The following STAC variants were observed in gnomAD, a reference collection of about 807,000 sequenced individuals.
STAC encodes SH3 and cysteine rich domain, also known as SH3 and cysteine-rich domain-containing protein.
In STAC, 43 loss-of-function variants were observed where a neutral mutation model predicts 48.8. The observed-to-expected ratio is 0.88, with a 90% CI of 0.69 to 1.14. The LOEUF is 1.14. Ranked by LOEUF, STAC falls within the 50% of genes most tolerant of loss-of-function variation. The pLI, the probability that STAC is intolerant of heterozygous loss-of-function variation, is 0.00. For synonymous variants in STAC, 193 were observed against 179.5 expected (o/e 1.07, Z -0.60); for missense variants, 497 against 504.0 (o/e 0.99, Z 0.13).
In STAC at chr3:36,505,765, C is replaced by T. The variant is rs1438382148; in HGVS notation, c.851C>T (p.Pro284Leu). The change falls in exon 8 of 11, where the codon CCA (proline) becomes CTA (leucine). Residue 284 changes from proline (P) to leucine (L), a missense_variant. Physicochemically the swap from Pro to Leu is moderately conservative, Grantham distance 98. Transcript: ENST00000273183. ...INHQGSLSKD[P>L]LQMNTYVALY... is the part of the protein sequence containing the mutation. The stretch of plus-strand genomic sequence containing the variant: ...TTTCAGGGATCTCTTTCCAAAGACC[C>T]ATTACAGATGAACACCTATGTTGCC... 2 of 1,602,890 alleles carry T rather than the reference C, an allele frequency of 1.2e-6. No individual in the cohort carries two copies. Among genetic ancestry groups the T allele is most frequent in the South Asian group, 1.1e-5 (1 of 88,512 alleles).
At chr3:36,385,446 T>C (rs1466997062) in intron 1 of STAC, among the ~76,000 whole-genome samples, 3 of 152,152 alleles carry the variant, frequency 2.0e-5, no homozygotes, top group Non-Finnish European at 4.4e-5. Flanking sequence ...AGGTATTTTA[T>C]TCTCATAACC....
At chr3:36,453,346 G>C (rs1348351527) in intron 2 of STAC, among the ~76,000 whole-genome samples, 1 of 152,228 alleles carries the variant, frequency 6.6e-6, no homozygotes, top group Non-Finnish European at 1.5e-5. Flanking sequence ...GGTGTGGAGG[G>C]AGAGGCGTGG....
chr3:36,511,623 T>C (rs552241106), intron 8 of STAC, among the ~76,000 whole-genome samples: 1 of 152,318 alleles, frequency 6.6e-6, no homozygotes, highest in South Asian at 2.1e-4. Context: ...TAGACCACAT[T>C]TGGAGGTAGA....
At chr3:36,382,633 T>C (rs772091133) in intron 1 of STAC, among the ~76,000 whole-genome samples, 21 of 152,170 alleles carry the variant, frequency 1.4e-4, no homozygotes, top group South Asian at 4.1e-4. Context: ...TATGCCTACA[T>C]GTGAATTTTT....
At chr3:36,477,495 G>A (rs1697524182) in intron 2 of STAC, among the ~76,000 whole-genome samples, 1 of 151,868 alleles carries the variant, frequency 6.6e-6, no homozygotes. Context: ...AAAAAAAGTT[G>A]ATGCATGCTA....
intron 2 of STAC, among the ~76,000 whole-genome samples, chr3:36,454,333 G>A (rs2125678229): frequency 6.6e-6 from 1 of 151,482 alleles, no homozygotes; most frequent in East Asian, 1.9e-4. Flanking sequence ...CAGACGCGTC[G>A]CCTTAAGAGC....
chr3:36,490,780 T>C (rs1228391015), intron 5 of STAC, among the ~76,000 whole-genome samples: 1 of 152,200 alleles, frequency 6.6e-6, no homozygotes, highest in Admixed American at 6.5e-5. Context: ...AGAGGGACAA[T>C]TGGGGATGTC....
intron 2 of STAC, among the ~76,000 whole-genome samples, chr3:36,479,725 G>A (rs915619327): frequency 6.6e-6 from 1 of 152,212 alleles, no homozygotes; most frequent in Non-Finnish European, 1.5e-5. Flanking sequence ...GAGCCAGACT[G>A]AGACAGATTC....
chr3:36,414,645 T>C (rs748348804), intron 1 of STAC, among the ~76,000 whole-genome samples: 8 of 152,238 alleles, frequency 5.3e-5, no homozygotes, highest in Non-Finnish European at 8.8e-5. Context: ...TCGGAGAAGT[T>C]TGATCGTCTG....
chr3:36,443,012 T>C lies in STAC; in HGVS notation c.112-352T>C, dbSNP rs1696396643. On this transcript the variant is annotated intron_variant, in intron 1 of 10. Transcript: ENST00000273183. The surrounding 1 kb of genome is among the most constrained non-coding windows in gnomAD (Gnocchi z 4.2). ...TGAGCCCATGAGTTTGTATACTTAA[T>C]ATTTCCAATGATTCAAATTCAAAAG... is the stretch of plus-strand genomic sequence containing the variant. 6.6e-6 allele frequency among the ~76,000 whole-genome samples: 1 copy of C among 152,208 alleles called. No homozygotes were observed. Among genetic ancestry groups the C allele is most frequent in the South Asian group, 2.1e-4 (1 of 4,832 alleles).
At chr3:36,530,311 A>G (rs993963592) in intron 10 of STAC, among the ~76,000 whole-genome samples, 1 of 152,202 alleles carries the variant, frequency 6.6e-6, no homozygotes, top group Non-Finnish European at 1.5e-5. Context: ...GGAAGTTCAC[A>G]ATGAAAAAGG....
At chr3:36,463,137 A>G (rs1697065492) in intron 2 of STAC, among the ~76,000 whole-genome samples, 1 of 152,162 alleles carries the variant, frequency 6.6e-6, no homozygotes, top group South Asian at 2.1e-4. Context: ...TGCTTCGAGA[A>G]ATTTTGGTTT....
chr3:36,483,561 A>G (rs528286099), intron 3 of STAC, among the ~76,000 whole-genome samples: 183 of 152,298 alleles, frequency 1.2e-3, no homozygotes, highest in Admixed American at 3.3e-3. Flanking sequence ...CCACTTTAAC[A>G]GAATCTCCCA....
chr3:36,380,783 C>T (rs757171561), intron 1 of STAC, 29 bp downstream of exon 1: 21 of 1,538,806 alleles, frequency 1.4e-5, no homozygotes, highest in Non-Finnish European at 1.8e-5. Flanking sequence ...CCCAAGAGAA[C>T]ACAAACTCAC....
chr3:36,546,389 G>GC lies in STAC; in HGVS notation c.*106dup, dbSNP rs549518125. The GC allele has an allele frequency of 1.4e-4, 143 of 993,838 alleles. No homozygotes were observed. In the Admixed American group the frequency reaches 1.5e-3, roughly 10 times the overall value. The allele number at this position is 993,838 out of a possible 1,614,324, so 61.6% of individuals were successfully genotyped here. ...CCAAAGGAGCTGCCGCACTGACCCA[G>GC]CCCCCCAGGAAACAGTGAGACAAGA... On this transcript the variant is annotated 3_prime_UTR_variant, in exon 11 of 11. Coordinates refer to ENST00000273183, the MANE Select transcript of STAC (RefSeq NM_003149.3).
chr3:36,408,897 C>T (rs1156434272), intron 1 of STAC, among the ~76,000 whole-genome samples: 2 of 152,120 alleles, frequency 1.3e-5, no homozygotes, highest in Non-Finnish European at 2.9e-5. Context: ...GTTGTAAACA[C>T]CTAAATGATT....
At chr3:36,504,928 T>A (rs1215911080) in intron 7 of STAC, among the ~76,000 whole-genome samples, 1 of 151,994 alleles carries the variant, frequency 6.6e-6, no homozygotes, top group African/African-American at 2.4e-5. Flanking sequence ...GTTAGATATA[T>A]GATGCAACTA....
At chr3:36,447,953 G>A in intron 2 of STAC, among the ~76,000 whole-genome samples, 1 of 152,084 alleles carries the variant, frequency 6.6e-6, no homozygotes, top group East Asian at 1.9e-4. Flanking sequence ...GCCATAGTGT[G>A]TTTCCATTTT....
chr3:36,520,137 T>C (rs1698766688), intron 8 of STAC, among the ~76,000 whole-genome samples: 2 of 152,212 alleles, frequency 1.3e-5, no homozygotes, highest in African/African-American at 4.8e-5. Flanking sequence ...TGAGTTCTTT[T>C]AATAAATCTC....
Sources: gnomAD v4.1 joint callset for allele counts (sites outside exome capture counted in the v4.1 genomes callset) on GRCh38, gnomAD v4.1.1 for gene constraint, Gnocchi (gnomAD v3.1) non-coding constraint, MANE v1.5 for transcripts, NCBI Gene and HGNC (gene_info 2026-07-23, HGNC 2026-07-21) for gene names.